The following SYNPR variants were observed in gnomAD, a reference collection of about 807,000 sequenced individuals.
SYNPR encodes the protein synaptoporin.
A neutral mutation model predicts 32.9 loss-of-function variants in SYNPR; 23 were observed. The observed-to-expected ratio is 0.70, with a 90% CI of 0.50 to 0.99. The LOEUF is 0.99. SYNPR is among the 50% of genes least tolerant of loss of function. The pLI, the probability that SYNPR is intolerant of heterozygous loss-of-function variation, is 0.00. For missense variants in SYNPR, 318 were observed against 349.3 expected (o/e 0.91, Z 0.71); for synonymous variants, 146 against 135.9 (o/e 1.07, Z -0.52).
At chr3:63,319,195 T>G (rs73123134) in intron 2 of SYNPR, among the ~76,000 whole-genome samples, 7,254 of 152,086 alleles carry the variant, frequency 0.048, 239 homozygotes, top group Middle Eastern at 0.092. Context: ...CTTTCTCCAA[T>G]GTATGTTTTT....
rs547504465 is a variant in SYNPR at position 63,312,035 on chromosome 3, T to C, written c.84+33293T>C. On this transcript the variant is annotated intron_variant, in intron 2 of 5. Transcript: ENST00000478300. ...GATGGTCCCTTTTAGAACCTAGAAATCTGTGATGATCTAAATTCCCCTCCA... is the reference window on the plus strand; with the variant it reads ...GATGGTCCCTTTTAGAACCTAGAAACCTGTGATGATCTAAATTCCCCTCCA... Among the ~76,000 whole-genome samples, 12 of 152,084 alleles carry C rather than the reference T, an allele frequency of 7.9e-5. No homozygotes were observed. In the South Asian group the frequency reaches 2.5e-3, roughly 32 times the overall value.
At chr3:63,384,974 G>C (rs2088022050) in intron 2 of SYNPR, among the ~76,000 whole-genome samples, 1 of 152,050 alleles carries the variant, frequency 6.6e-6, no homozygotes, top group South Asian at 2.1e-4. Flanking sequence ...CATGCTTGAG[G>C]TGGAAAAACC....
chr3:63,592,750 A>C (rs999844210), intron 4 of SYNPR, among the ~76,000 whole-genome samples: 4 of 152,132 alleles, frequency 2.6e-5, no homozygotes, highest in Non-Finnish European at 5.9e-5. Flanking sequence ...TTTGGCCATC[A>C]AAACCTACTG....
At chr3:63,594,436 A>G (rs1699897490) in intron 4 of SYNPR, among the ~76,000 whole-genome samples, 1 of 152,204 alleles carries the variant, frequency 6.6e-6, no homozygotes, top group African/African-American at 2.4e-5. Flanking sequence ...CAGATAAATG[A>G]TAGCCATGTT....
chr3:63,610,613 T>C, intron 5 of SYNPR: 1 of 602,006 alleles, frequency 1.7e-6, no homozygotes, highest in Non-Finnish European at 3.0e-6. Context: ...TTTTTATTCA[T>C]TGCTGACCAC....
At chr3:63,614,312 G>A (rs1411226982) in intron 5 of SYNPR, among the ~76,000 whole-genome samples, 1 of 152,148 alleles carries the variant, frequency 6.6e-6, no homozygotes, top group East Asian at 1.9e-4. Flanking sequence ...CTTGGAAAAG[G>A]CTGCAGAACA....
chr3:63,385,996 T>C (rs1156692608), intron 2 of SYNPR, among the ~76,000 whole-genome samples: 1 of 152,260 alleles, frequency 6.6e-6, no homozygotes, highest in Non-Finnish European at 1.5e-5. Context: ...TACATTTGGG[T>C]AATTCTGAAT....
At chr3:63,514,712 C>T (rs1701762624) in intron 3 of SYNPR, among the ~76,000 whole-genome samples, 1 of 152,148 alleles carries the variant, frequency 6.6e-6, no homozygotes, top group South Asian at 2.1e-4. Context: ...ATCAGATCAA[C>T]CAAGAACTGC....
Position 63,478,284 on chromosome 3 carries a change from A to G in SYNPR, c.85-2548A>G, listed in dbSNP as rs74754700. ...TATAAAGCACTTAATATAAGATGAA[A>G]AGCCAAGGTAGTTTCTTTATAGCTG... On this transcript the variant is annotated intron_variant, in intron 2 of 5. Coordinates refer to ENST00000478300, the MANE Select transcript of SYNPR (RefSeq NM_001130003.2). Among the ~76,000 whole-genome samples, 1,296 of 152,350 alleles carry G rather than the reference A, an allele frequency of 8.5e-3. 58 individuals are homozygous for G. The East Asian group carries it at 0.13, about 16-fold the overall frequency.
intron 4 of SYNPR, among the ~76,000 whole-genome samples, chr3:63,605,290 A>G (rs1876091): frequency 0.63 from 95,523 of 152,120 alleles, 30,179 homozygotes; most frequent in African/African-American, 0.68. Context: ...ATGGCTATAA[A>G]GGATAAGAAA....
At chr3:63,534,122 C>T (rs578018631) in intron 3 of SYNPR, among the ~76,000 whole-genome samples, 1 of 152,236 alleles carries the variant, frequency 6.6e-6, no homozygotes, top group South Asian at 2.1e-4. Flanking sequence ...GCTTGTCCAC[C>T]ATTGATGTTG....
chr3:63,525,263 TTA>T (rs893891037), intron 3 of SYNPR, among the ~76,000 whole-genome samples: 2 of 152,184 alleles, frequency 1.3e-5, no homozygotes, highest in African/African-American at 4.8e-5. Flanking sequence ...CTTACTTCCT[TTA>T]AGGCTTCCCT....
intron 4 of SYNPR, among the ~76,000 whole-genome samples, chr3:63,586,742 T>C (rs1159313481): frequency 1.3e-5 from 2 of 151,392 alleles, no homozygotes; most frequent in African/African-American, 2.4e-5. Context: ...ACAGCAGATA[T>C]CTGGCTAGGC....
chr3:63,261,154 G>A (rs901909053), intron 2 of SYNPR, among the ~76,000 whole-genome samples: 1 of 152,156 alleles, frequency 6.6e-6, no homozygotes, highest in African/African-American at 2.4e-5. Context: ...GGAAGTCAGT[G>A]TGGTGATTCC....
intron 2 of SYNPR, among the ~76,000 whole-genome samples, chr3:63,340,709 G>A (rs1001591735): frequency 9.2e-5 from 14 of 152,014 alleles, no homozygotes; most frequent in Non-Finnish European, 1.6e-4. Flanking sequence ...GTGAGCCACC[G>A]CGCCCGGCCA....
At chr3:63,276,620 T>TCCCCCCCCCC (rs11398109), upstream of SYNPR, among the ~76,000 whole-genome samples, 3 of 142,030 alleles carry the variant, frequency 2.1e-5, no homozygotes, top group African/African-American at 2.6e-5. Context: ...TAGTGTTAGT[T>TCCCCCCCCCC]CCCCCCACCC....
chr3:63,472,287 C>T (rs113859393), intron 2 of SYNPR, among the ~76,000 whole-genome samples: 1 of 152,248 alleles, frequency 6.6e-6, no homozygotes, highest in Non-Finnish European at 1.5e-5. Flanking sequence ...TAGAGAAAGG[C>T]AGACCTGACT....
chr3:63,278,762 C>T lies in SYNPR; in HGVS notation c.84+20C>T, dbSNP rs375908393. 3.2e-6 allele frequency: 5 copies of T among 1,550,952 alleles called. No homozygotes were observed. The highest frequency in any genetic ancestry group is 4.4e-6 in the Non-Finnish European group (5 of 1,146,904). On this transcript the variant is annotated intron_variant, in intron 2 of 5. Coordinates refer to ENST00000478300, the MANE Select transcript of SYNPR (RefSeq NM_001130003.2). ...GAATTGGTGAGTAGCAGTGTGTGTG[C>T]AGGGAGGGGCGCCAGGCAGCCAGCT...
rs1475286921 is a variant in SYNPR at position 63,398,102 on chromosome 3, A to ATC, written c.85-82730_85-82729insTC. Reference sequence around the variant, plus strand: ...GCCTGGGCTGCAAAATGATCAAGTGAATACTTTACTTCTGGGGACATGGCT... The same window carrying ATC: ...GCCTGGGCTGCAAAATGATCAAGTGATCATACTTTACTTCTGGGGACATGGCT... On this transcript the variant is annotated intron_variant, in intron 2 of 5. Coordinates refer to ENST00000478300, the MANE Select transcript of SYNPR (RefSeq NM_001130003.2). Among the ~76,000 whole-genome samples, 247 of 152,308 alleles carry ATC rather than the reference A, an allele frequency of 1.6e-3. 4 individuals are homozygous for ATC. Among genetic ancestry groups the ATC allele is most frequent in the Middle Eastern group, 0.01 (3 of 294 alleles).
Sources: allele counts gnomAD v4.1 joint callset (sites outside exome capture counted in the v4.1 genomes callset), GRCh38; gene constraint gnomAD v4.1.1; transcripts MANE v1.5; gene names NCBI Gene and HGNC (gene_info 2026-07-23, HGNC 2026-07-21).